MTRFR: variants seen among roughly 807,000 people sequenced by gnomAD.
The protein encoded by MTRFR is mitochondrial translation release factor in rescue.
MTRFR carries 10 observed loss-of-function variants against 11.9 expected under a neutral mutation model. The ratio of observed to expected loss-of-function variants is 0.84; its 90% CI spans 0.52 to 1.42. The LOEUF (loss-of-function observed/expected upper bound fraction) is 1.42. Ranked by LOEUF, MTRFR falls within the 40% of genes most tolerant of loss-of-function variation. The pLI is 0.00. For synonymous variants in MTRFR, 77 were observed against 79.1 expected (o/e 0.97, Z 0.14); for missense variants, 196 against 197.9 (o/e 0.99, Z 0.06).
intron 1 of MTRFR, among the ~76,000 whole-genome samples, chr12:123,253,069 AAT>A (rs2048134306): frequency 7.0e-5 from 3 of 42,818 alleles, no homozygotes; most frequent in African/African-American, 1.9e-4. Context: ...CGTTCCTTTG[AAT>A]TTTTTTTTTT....
chr12:123,244,927 G>A (rs1453815568), intron 1 of MTRFR, among the ~76,000 whole-genome samples: 2 of 85,192 alleles, frequency 2.3e-5, no homozygotes, highest in African/African-American at 3.6e-5. Context: ...CACCGCACCC[G>A]GCATTTTTTT....
chr12:123,246,357 T>A (rs1001031342), intron 1 of MTRFR, among the ~76,000 whole-genome samples: 1 of 152,228 alleles, frequency 6.6e-6, no homozygotes, highest in Non-Finnish European at 1.5e-5. Context: ...AAGAATTTTT[T>A]AATTTCCATC....
intron 1 of MTRFR, among the ~76,000 whole-genome samples, chr12:123,246,244 C>T (rs575996927): frequency 2.3e-4 from 35 of 151,736 alleles, no homozygotes; most frequent in African/African-American, 6.0e-4. Flanking sequence ...TCAGTAGAGA[C>T]GGGGTTTCAC....
At chr12:123,247,216 G>A (rs898243174) in intron 1 of MTRFR, among the ~76,000 whole-genome samples, 18 of 151,986 alleles carry the variant, frequency 1.2e-4, no homozygotes, top group African/African-American at 2.9e-4. Flanking sequence ...TTGACTTTTC[G>A]TTTTGATGAC....
chr12:123,244,006 C>G (rs554488235), intron 1 of MTRFR: 2 of 152,288 alleles, frequency 1.3e-5, no homozygotes, highest in East Asian at 3.9e-4. Flanking sequence ...GTGGAGTGAT[C>G]TGCTGGATGT....
intron 1 of MTRFR, among the ~76,000 whole-genome samples, chr12:123,234,677 A>T (rs191176772): frequency 6.6e-6 from 1 of 152,324 alleles, no homozygotes; most frequent in Non-Finnish European, 1.5e-5. Context: ...GATTACAGGC[A>T]TGAGCCACCA....
chr12:123,243,789 A>G (rs2047989070), intron 1 of MTRFR: 1 of 152,222 alleles, frequency 6.6e-6, no homozygotes, highest in Non-Finnish European at 1.5e-5. Context: ...TCATCTCAGT[A>G]TCACTGTACT....
At chr12:123,249,905 G>C (rs887522203) in intron 1 of MTRFR, 3 of 152,070 alleles carry the variant, frequency 2.0e-5, no homozygotes, top group African/African-American at 7.2e-5. Context: ...TGTGCTTCTC[G>C]TATTTGGATG....
At chr12:123,244,552 C>T (rs1565993854) in intron 1 of MTRFR, among the ~76,000 whole-genome samples, 1 of 152,198 alleles carries the variant, frequency 6.6e-6, no homozygotes, top group East Asian at 1.9e-4. Flanking sequence ...CCGTAATCCT[C>T]CTGGGTGACA....
intron 1 of MTRFR, among the ~76,000 whole-genome samples, chr12:123,237,813 GCAGGAGGATGAGCTAA>G (rs1271208064): frequency 3.9e-5 from 6 of 152,288 alleles, no homozygotes; most frequent in African/African-American, 1.2e-4. Context: ...GATACCTACA[GCAGGAGGATGAGCTAA>G]CAGGAGGATG....
At chr12:123,252,874 A>T (rs1226338983) in intron 1 of MTRFR, among the ~76,000 whole-genome samples, 1 of 150,796 alleles carries the variant, frequency 6.6e-6, no homozygotes, top group Non-Finnish European at 1.5e-5. Flanking sequence ...GCAGTGAGCC[A>T]AGATCGCGCC....
chr12:123,242,892 G>C (rs1355673759), intron 1 of MTRFR, among the ~76,000 whole-genome samples: 2 of 152,182 alleles, frequency 1.3e-5, no homozygotes, highest in Non-Finnish European at 2.9e-5. Context: ...AAACTCAGAA[G>C]TGCGGGGCTC....
chr12:123,245,138 C>T (rs182738145), intron 1 of MTRFR, among the ~76,000 whole-genome samples: 8 of 150,888 alleles, frequency 5.3e-5, no homozygotes, highest in South Asian at 2.1e-4. Flanking sequence ...TTGGTAGAGA[C>T]GGGGTTTCAC....
intron 2 of MTRFR, among the ~76,000 whole-genome samples, chr12:123,255,325 C>A (rs1447293106): frequency 1.3e-5 from 2 of 152,332 alleles, no homozygotes; most frequent in South Asian, 2.1e-4. Flanking sequence ...TCAATCATTT[C>A]TTTTCCCCCT....
At chr12:123,253,070 ATTTTTTTTTTTTTTTT>A (rs71085872) in intron 1 of MTRFR, among the ~76,000 whole-genome samples, 49 of 34,846 alleles carry the variant, frequency 1.4e-3, no homozygotes, top group South Asian at 8.8e-3. Flanking sequence ...GTTCCTTTGA[ATTTTTTTTTTTTTTTT>A]TTTTTTTTTT....
intron 1 of MTRFR, among the ~76,000 whole-genome samples, chr12:123,245,582 G>A (rs1157594153): frequency 4.6e-5 from 7 of 152,080 alleles, no homozygotes; most frequent in African/African-American, 1.7e-4. Context: ...AGTTTTCCTT[G>A]TAGAGGTCTT....
chr12:123,241,984 C>A (rs1177713147), intron 1 of MTRFR, among the ~76,000 whole-genome samples: 1 of 152,196 alleles, frequency 6.6e-6, no homozygotes, highest in African/African-American at 2.4e-5. Context: ...GTATGTTATC[C>A]ATCCTCAGCT....
chr12:123,244,735 C>T (rs997232692), intron 1 of MTRFR, among the ~76,000 whole-genome samples: 16 of 151,730 alleles, frequency 1.1e-4, no homozygotes, highest in African/African-American at 3.6e-4. Flanking sequence ...TGGGTTCAAG[C>T]GATTCTCCTG....
At chr12:123,237,811 C>T in intron 1 of MTRFR, among the ~76,000 whole-genome samples, 1 of 152,212 alleles carries the variant, frequency 6.6e-6, no homozygotes, top group East Asian at 1.9e-4. Flanking sequence ...CAGATACCTA[C>T]AGCAGGAGGA....
Sources: gnomAD v4.1 joint callset for allele counts (sites outside exome capture counted in the v4.1 genomes callset) on GRCh38, gnomAD v4.1.1 for gene constraint, MANE v1.5 for transcripts, NCBI Gene and HGNC (gene_info 2026-07-23, HGNC 2026-07-21) for gene names.